The following PIEZO2 variants were observed in gnomAD, a reference collection of about 807,000 sequenced individuals.
PIEZO2 encodes piezo type mechanosensitive ion channel component 2, also known as piezo-type mechanosensitive ion channel component 2.
PIEZO2 carries 172 observed loss-of-function variants against 337.3 expected under a neutral mutation model. The ratio of observed to expected loss-of-function variants is 0.51; its 90% CI spans 0.45 to 0.58. The LOEUF is 0.58. PIEZO2 is among the 20% of genes least tolerant of loss of function. The probability of loss-of-function intolerance (pLI) is 0.00; values close to 1 mark genes in which losing one functional copy is unlikely to be tolerated. For missense variants in PIEZO2, 3,028 were observed against 3,391.3 expected, an observed-to-expected ratio of 0.89 and a Z score of 2.66; for synonymous variants, 1,251 against 1,228.5, an observed-to-expected ratio of 1.02 and a Z score of -0.38.
In PIEZO2 at chr18:10,748,851, C is replaced by T. The variant is rs1212178255; in HGVS notation, c.4265-221G>A. Among the ~76,000 whole-genome samples the T allele has an allele frequency of 6.6e-6, 1 of 152,168 alleles. No individual in the cohort carries two copies. Among genetic ancestry groups the T allele is most frequent in the African/African-American group, 2.4e-5 (1 of 41,430 alleles). ...CTGACCATGCATTGAACTCTTCACACTACAAGGCTCAGGAGGGCCCTTTTT... is the reference window on the plus strand; with the variant it reads ...CTGACCATGCATTGAACTCTTCACATTACAAGGCTCAGGAGGGCCCTTTTT... On this transcript the variant is annotated intron_variant, in intron 29 of 55. Transcript: ENST00000674853. The surrounding 1 kb of genome is among the most constrained non-coding windows in gnomAD (Gnocchi z 5.1).
chr18:10,942,312 A>T lies in PIEZO2; in HGVS notation c.287-31084T>A, dbSNP rs923654609. Among the ~76,000 whole-genome samples the T allele has an allele frequency of 3.3e-5, 5 of 152,188 alleles. No individual in the cohort carries two copies. Among genetic ancestry groups the T allele is most frequent in the Non-Finnish European group, 7.3e-5 (5 of 68,046 alleles). On this transcript the variant is annotated intron_variant, in intron 3 of 55. Coordinates refer to ENST00000674853, the MANE Select transcript of PIEZO2 (RefSeq NM_001378183.1). This position sits in a 1 kb window ranked among gnomAD's most constrained non-coding sequence, Gnocchi z 4.4. ...TCAGAAGAAGACAGGAATATGTGGGAAAGCTTGGAACTCCCTAGAGACTTG... is the reference window on the plus strand; with the variant it reads ...TCAGAAGAAGACAGGAATATGTGGGTAAGCTTGGAACTCCCTAGAGACTTG...
intron 2 of PIEZO2, among the ~76,000 whole-genome samples, chr18:11,007,568 T>G (rs142662299): frequency 2.0e-5 from 3 of 152,284 alleles, no homozygotes; most frequent in Admixed American, 2.0e-4. Flanking sequence ...AGATGCAGTA[T>G]AGTCAAATTA....
At chr18:10,876,084 A>G (rs757192815) in intron 4 of PIEZO2, among the ~76,000 whole-genome samples, 3 of 152,272 alleles carry the variant, frequency 2.0e-5, no homozygotes, top group Admixed American at 6.5e-5. Context: ...TAAACAGGTC[A>G]TAGTCTGACT....
intron 13 of PIEZO2, among the ~76,000 whole-genome samples, chr18:10,792,228 C>T (rs2039431761): frequency 6.6e-6 from 1 of 152,234 alleles, no homozygotes; most frequent in African/African-American, 2.4e-5. Flanking sequence ...GGATTACAGG[C>T]ATAAGCCACC....
Position 10,830,192 on chromosome 18 carries a change from A to T in PIEZO2, c.918-22918T>A, listed in dbSNP as rs1215279246. On this transcript the variant is annotated intron_variant, in intron 7 of 55. Coordinates refer to ENST00000674853, the MANE Select transcript of PIEZO2 (RefSeq NM_001378183.1). The surrounding 1 kb of genome is among the most constrained non-coding windows in gnomAD (Gnocchi z 4.7). ...AGGTGCTAAGAACATACACATGGGA[A>T]AGGACAGTCTCTTCAATAAATGGTG... Among the ~76,000 whole-genome samples, 1 of 152,170 alleles carries T rather than the reference A, an allele frequency of 6.6e-6. No homozygotes were observed. Among genetic ancestry groups the T allele is most frequent in the Admixed American group, 6.5e-5 (1 of 15,284 alleles).
At chr18:11,067,694 T>C (rs546052106) in intron 1 of PIEZO2, among the ~76,000 whole-genome samples, 3 of 152,254 alleles carry the variant, frequency 2.0e-5, no homozygotes, top group South Asian at 2.1e-4. Context: ...GCACCCAAGA[T>C]TGGAACATCT....
chr18:11,018,380 G>A (rs115244314), intron 2 of PIEZO2, among the ~76,000 whole-genome samples: 2,907 of 113,212 alleles, frequency 0.026, 103 homozygotes, highest in African/African-American at 0.085. Flanking sequence ...CTCCCAACAT[G>A]TCGTGTGTGT....
intron 3 of PIEZO2, among the ~76,000 whole-genome samples, chr18:10,976,587 A>C (rs536236029): frequency 6.6e-6 from 1 of 152,320 alleles, no homozygotes; most frequent in South Asian, 2.1e-4. Context: ...CTTCTATTAA[A>C]TTGACTCATA....
chr18:11,103,667 C>T lies in PIEZO2; in HGVS notation c.65-37445G>A, dbSNP rs187239706. Among the ~76,000 whole-genome samples the T allele has an allele frequency of 2.0e-5, 3 of 152,282 alleles. No individual in the cohort carries two copies. The East Asian group carries it at 5.8e-4, about 29-fold the overall frequency. On this transcript the variant is annotated intron_variant, in intron 1 of 55. Coordinates refer to ENST00000674853, the MANE Select transcript of PIEZO2 (RefSeq NM_001378183.1). ...ACAGGTCATAGAAAACTATGACTCT[C>T]CATTGCTTCTGTGCCCCTGGGTCTA...
chr18:11,121,277 G>A (rs1210870581), intron 1 of PIEZO2, among the ~76,000 whole-genome samples: 1 of 152,016 alleles, frequency 6.6e-6, no homozygotes, highest in Non-Finnish European at 1.5e-5. Flanking sequence ...AGAATTGGCT[G>A]GGCACAGTAG....
Position 10,830,699 on chromosome 18 carries a change from C to T in PIEZO2, c.918-23425G>A, listed in dbSNP as rs547126292. Among the ~76,000 whole-genome samples, 19 of 152,212 alleles carry T rather than the reference C, an allele frequency of 1.2e-4. No homozygotes were observed. Among genetic ancestry groups the T allele is most frequent in the Non-Finnish European group, 2.2e-4 (15 of 68,006 alleles). ...CAAATGGAATCACATCAGATTGAAA[C>T]GCTTCTGAACGGCAAAGGAAACAAT... On this transcript the variant is annotated intron_variant, in intron 7 of 55. Transcript: ENST00000674853. The surrounding 1 kb of genome is among the most constrained non-coding windows in gnomAD (Gnocchi z 4.7).
At chr18:11,045,295 CAAAAAAAAAAAAAA>C (rs58924653) in intron 2 of PIEZO2, among the ~76,000 whole-genome samples, 3 of 52,342 alleles carry the variant, frequency 5.7e-5, no homozygotes, top group African/African-American at 1.3e-4. Flanking sequence ...GACTCCGTCT[CAAAAAAAAAAAAAA>C]AAAAAAAAAA....
intron 3 of PIEZO2, among the ~76,000 whole-genome samples, chr18:10,966,257 C>T (rs769178194): frequency 6.6e-6 from 1 of 152,136 alleles, no homozygotes; most frequent in Non-Finnish European, 1.5e-5. Flanking sequence ...ACTCCTAAGC[C>T]ATTCATTCTC....
Position 10,794,946 on chromosome 18 carries a change from G to A in PIEZO2, c.1584C>T (p.Cys528=). 6.5e-7 allele frequency: 1 copy of A among 1,546,668 alleles called. No individual in the cohort carries two copies. The highest frequency in any genetic ancestry group is 8.7e-7 in the Non-Finnish European group (1 of 1,146,980). The stretch of plus-strand genomic sequence containing the variant: ...TTCTGTTGCGAATCATCCAAAGAGT[G>A]CACGACCAGATCAGCAGCACGAAGG... ...WLTFVLLIWS[C]TLWMIRNRRK... is the part of the protein sequence containing the mutation. The change falls in exon 13 of 56, where the codon TGC becomes TGT. Residue 528 remains cysteine, a synonymous_variant. Coordinates refer to ENST00000674853, the MANE Select transcript of PIEZO2 (RefSeq NM_001378183.1). This position sits in a 1 kb window ranked among gnomAD's most constrained non-coding sequence, Gnocchi z 6.6.
At chr18:11,138,028 T>C (rs2040540063) in intron 1 of PIEZO2, among the ~76,000 whole-genome samples, 1 of 152,102 alleles carries the variant, frequency 6.6e-6, no homozygotes, top group Non-Finnish European at 1.5e-5. Context: ...TCACAGAGTA[T>C]ATATTAGGCT....
rs1023993855 is a variant in PIEZO2, at chr18:10,781,447, G to A, written c.2493-1081C>T. Among the ~76,000 whole-genome samples the A allele has an allele frequency of 1.3e-5, 2 of 149,818 alleles. No individual in the cohort carries two copies. Among genetic ancestry groups the A allele is most frequent in the Admixed American group, 1.3e-4 (2 of 14,900 alleles). On this transcript the variant is annotated intron_variant, in intron 17 of 55. Transcript: ENST00000674853. This position sits in a 1 kb window ranked among gnomAD's most constrained non-coding sequence, Gnocchi z 4.1. The stretch of plus-strand genomic sequence containing the variant: ...ATGGCACCACTGCACTCCAGCTTGG[G>A]CAACAGAGCGAGACTCCGTTTCAAA...
At chr18:10,695,871 T>A (rs564158824) in intron 47 of PIEZO2, among the ~76,000 whole-genome samples, 218 of 152,350 alleles carry the variant, frequency 1.4e-3, no homozygotes, top group African/African-American at 5.0e-3. Context: ...AATATGTAAT[T>A]AAAATATTTT....
At position 10,888,447 on chromosome 18, in the gene PIEZO2, C is replaced by G. The variant is rs891601672; in HGVS notation, c.330-17032G>C. ...CTCTGGGCTCCATTCCTTCAGAAAG[C>G]CCTATTTTCTTTTTGTGCACCCTGG... is the stretch of plus-strand genomic sequence containing the variant. On this transcript the variant is annotated intron_variant, in intron 4 of 55. Coordinates refer to ENST00000674853, the MANE Select transcript of PIEZO2 (RefSeq NM_001378183.1). This position sits in a 1 kb window ranked among gnomAD's most constrained non-coding sequence, Gnocchi z 4.1. Among the ~76,000 whole-genome samples the G allele has an allele frequency of 7.2e-5, 11 of 152,196 alleles. No homozygotes were observed. Among genetic ancestry groups the G allele is most frequent in the African/African-American group, 2.6e-4 (11 of 41,530 alleles).
At chr18:10,801,453 AT>A in intron 9 of PIEZO2, 25 bp from the exon 10 acceptor site, 1 of 1,489,292 alleles carries the variant, frequency 6.7e-7, no homozygotes, top group Non-Finnish European at 9.1e-7. Context: ...GCGGGAAAGC[AT>A]GTTAGTAAGG....
Sources: allele counts gnomAD v4.1 joint callset (sites outside exome capture counted in the v4.1 genomes callset), GRCh38; gene constraint gnomAD v4.1.1; non-coding constraint Gnocchi (gnomAD v3.1); transcripts MANE v1.5; gene names NCBI Gene and HGNC (gene_info 2026-07-23, HGNC 2026-07-21).